The following TREX1 variants were observed in gnomAD, a reference collection of about 807,000 sequenced individuals.
TREX1 encodes the protein three prime repair exonuclease 1.
A neutral mutation model predicts 13.7 loss-of-function variants in TREX1; 11 were observed. That is an observed-to-expected ratio of 0.80 (90% CI 0.51 to 1.33). The LOEUF is 1.33. Among genes scored for constraint, TREX1 ranks in the 40% most tolerant of loss-of-function variants. The pLI is 0.00. For synonymous variants in TREX1, 178 were observed against 178.8 expected, an observed-to-expected ratio of 1.00 and a Z score of 0.03; for missense variants, 409 against 404.4, an observed-to-expected ratio of 1.01 and a Z score of -0.10.
rs144461944 is a variant in TREX1 at position 48,466,535 on chromosome 3, G to T, written c.-26-95G>T. On this transcript the variant is annotated intron_variant, in intron 1 of 1. Transcript: ENST00000625293. ...GACAGGGCAGGATTGTGCAGGGAAG[G>T]CCTGAGATGTGCTTCTGCCCACCCC... 574 of 1,613,950 alleles carry T rather than the reference G, an allele frequency of 3.6e-4. 3 individuals are homozygous for T. In the East Asian group the frequency reaches 0.01, roughly 29 times the overall value.
Position 48,466,326 on chromosome 3 carries a change from C to CA in TREX1, c.-27+19dup, listed in dbSNP as rs2040294110. 2.2e-6 allele frequency: 2 copies of CA among 893,646 alleles called. No homozygotes were observed. Among genetic ancestry groups the CA allele is most frequent in the African/African-American group, 3.3e-5 (2 of 60,804 alleles). The allele number at this position is 893,646 out of a possible 1,614,324, so 55.4% of individuals were successfully genotyped here. ...CCTGCTACGGTGAGTGTGGCCCCCA[C>CA]AATGGGATGGCGCAGGGCAGGAGGG... On this transcript the variant is annotated intron_variant, in intron 1 of 1. Coordinates refer to ENST00000625293, the MANE Select transcript of TREX1 (RefSeq NM_033629.6).
In TREX1 at chr3:48,467,437, G is replaced by T. The variant is rs1225568750; in HGVS notation, c.782G>T (p.Ser261Ile). ...CACCTGGCCACAACCAGGAACACTAGTCCCAGCCTTGGAGAGAGCAGGGGT... is the reference window on the plus strand; with the variant it reads ...CACCTGGCCACAACCAGGAACACTATTCCCAGCCTTGGAGAGAGCAGGGGT... The part of the protein sequence containing the change: ...TAHLATTRNT[S>I]PSLGESRGTK... The change falls in exon 2 of 2, where the codon AGT becomes ATT. Residue 261 changes from serine (S) to isoleucine (I), a missense_variant. Ser to Ile is a moderately radical substitution (Grantham distance 142). Coordinates refer to ENST00000625293, the MANE Select transcript of TREX1 (RefSeq NM_033629.6). 2 of 1,614,166 alleles carry T rather than the reference G, an allele frequency of 1.2e-6. No individual in the cohort carries two copies. Among genetic ancestry groups the T allele is most frequent in the South Asian group, 2.2e-5 (2 of 91,088 alleles).
In TREX1 at chr3:48,466,614, C is replaced by T; in HGVS notation, c.-26-16C>T. ...AACACTGGGCACTCACACACCCACC[C>T]CATGCTCCTCTCCAGGCTCAGCAGC... On this transcript the variant is annotated splice_polypyrimidine_tract_variant and intron_variant, in intron 1 of 1. Coordinates refer to ENST00000625293, the MANE Select transcript of TREX1 (RefSeq NM_033629.6). 6.2e-7 allele frequency: 1 copy of T among 1,614,098 alleles called. No homozygotes were observed. Among genetic ancestry groups the T allele is most frequent in the Non-Finnish European group, 8.5e-7 (1 of 1,180,020 alleles).
chr3:48,466,949 A>C lies in TREX1; in HGVS notation c.294A>C (p.Gln98His). 1 of 1,612,006 alleles carries C rather than the reference A, an allele frequency of 6.2e-7. No individual in the cohort carries two copies. Among genetic ancestry groups the C allele is most frequent in the Middle Eastern group, 1.6e-4 (1 of 6,062 alleles). The change falls in exon 2 of 2, where the codon CAA becomes CAC. Residue 98 changes from glutamine (Q) to histidine (H), a missense_variant. Coordinates refer to ENST00000625293, the MANE Select transcript of TREX1 (RefSeq NM_033629.6). Reference sequence around the variant, plus strand: ...CTGTGCTGGCAGCGCATGGGCGTCAATGTTTTGATGACAACCTGGCCAACC... The same window carrying C: ...CTGTGCTGGCAGCGCATGGGCGTCACTGTTTTGATGACAACCTGGCCAACC... ...STAVLAAHGRQCFDDNLANLL... is the reference protein window; with the variant it reads ...STAVLAAHGRHCFDDNLANLL...
Position 48,466,919 on chromosome 3 carries a change from C to G in TREX1, c.264C>G (p.Ser88Arg). Residue 88 changes from serine to arginine, a missense_variant, in exon 2 of 2, where the codon AGC (serine) becomes AGG (arginine). Physicochemically the swap from Ser to Arg is moderately radical, Grantham distance 110. Coordinates refer to ENST00000625293, the MANE Select transcript of TREX1 (RefSeq NM_033629.6). ...CAGCCAGCGAGATCACAGGTCTGAG[C>G]ACAGCTGTGCTGGCAGCGCATGGGC... ...SPAASEITGLSTAVLAAHGRQ... is the reference protein window; with the variant it reads ...SPAASEITGLRTAVLAAHGRQ... 5.6e-6 allele frequency: 9 copies of G among 1,611,644 alleles called. No individual in the cohort carries two copies. Among genetic ancestry groups the G allele is most frequent in the Non-Finnish European group, 7.6e-6 (9 of 1,180,022 alleles).
Position 48,466,264 on chromosome 3 carries a change from AGAGTGTGCAGCC to A in TREX1, c.-67_-56del. On this transcript the variant is annotated 5_prime_UTR_variant, in exon 1 of 2. Coordinates refer to ENST00000625293, the MANE Select transcript of TREX1 (RefSeq NM_033629.6). ...CACTGCTGCCAGCGAGAGCCGCGGG[AGAGTGTGCAGCC>A]GAGTCACTACTGCCTGCCTGCCTGC... 1.6e-6 allele frequency: 1 copy of A among 616,836 alleles called. No homozygotes were observed. 38.2% of individuals were successfully genotyped at this position (616,836 alleles called of 1,614,324 possible). A position where few individuals can be genotyped will look rare whatever the true frequency, so the allele number is the denominator to read the frequency against.
rs368213969 is a variant in TREX1 at position 48,466,612 on chromosome 3, C to T, written c.-26-18C>T. ...TTAACACTGGGCACTCACACACCCA[C>T]CCCATGCTCCTCTCCAGGCTCAGCA... On this transcript the variant is annotated intron_variant, in intron 1 of 1. Transcript: ENST00000625293. The T allele has an allele frequency of 5.0e-6, 8 of 1,613,964 alleles. No individual in the cohort carries two copies. The highest frequency in any genetic ancestry group is 6.8e-6 in the Non-Finnish European group (8 of 1,180,010).
rs776885477 is a variant in TREX1, at chr3:48,467,118, A to G, written c.463A>G (p.Ser155Gly). The G allele has an allele frequency of 6.2e-6, 10 of 1,613,950 alleles. No homozygotes were observed. The highest frequency in any genetic ancestry group is 2.2e-5 in the East Asian group (1 of 44,878). Residue 155 changes from serine to glycine, a missense_variant, in exon 2 of 2, where the codon AGC (serine) becomes GGC (glycine). By Grantham distance (56) the Ser-to-Gly change is moderately conservative (BLOSUM62 0). Transcript: ENST00000625293. ...SALDGAFCVD[S>G]ITALKALERA... ...TCTGGATGGTGCCTTCTGTGTGGATAGCATCACTGCGCTGAAGGCCCTGGA... is the reference window on the plus strand; with the variant it reads ...TCTGGATGGTGCCTTCTGTGTGGATGGCATCACTGCGCTGAAGGCCCTGGA...
rs1454039999 is a variant in TREX1, at chr3:48,467,068, TG to T, written c.415del (p.Ala139LeufsTer21). The T allele has an allele frequency of 6.2e-7, 1 of 1,613,862 alleles. No individual in the cohort carries two copies. Reference sequence around the variant, plus strand: ...GACTTCCCCCTGCTCCAAGCAGAGCTGGCTATGCTGGGCCTCACCAGTGCTC... The same window carrying T: ...GACTTCCCCCTGCTCCAAGCAGAGCTGCTATGCTGGGCCTCACCAGTGCTC... Reference protein sequence around the residue: ...RYDFPLLQAELAMLGLTSALD... With the variant: ...RYDFPLLQAEXAMLGLTSALD... On this transcript the variant is annotated frameshift_variant, in exon 2 of 2. Transcript: ENST00000625293. LOFTEE classifies it high-confidence loss of function.
Position 48,466,708 on chromosome 3 carries a change from A to C in TREX1, c.53A>C (p.Asp18Ala). The change falls in exon 2 of 2, where the codon GAC (aspartate) becomes GCC (alanine). Residue 18 changes from aspartate to alanine, a missense_variant. Coordinates refer to ENST00000625293, the MANE Select transcript of TREX1 (RefSeq NM_033629.6). ...PGPMQTLIFF[D>A]MEATGLPFSQ... ...CCCATGCAGACCCTCATCTTTTTCG[A>C]CATGGAGGCCACTGGCTTGCCCTTC... 6.2e-7 allele frequency: 1 copy of C among 1,613,658 alleles called. No individual in the cohort carries two copies. Among genetic ancestry groups the C allele is most frequent in the Non-Finnish European group, 8.5e-7 (1 of 1,179,908 alleles).
chr3:48,466,180 A>T, upstream of TREX1: 10 of 514,654 alleles, frequency 1.9e-5, no homozygotes, highest in South Asian at 2.0e-4. Flanking sequence ...GCTGACGAGC[A>T]GGGCGGGCCT....
Position 48,466,728 on chromosome 3 carries a change from C to A in TREX1, c.73C>A (p.Pro25Thr), listed in dbSNP as rs748145509. ...IFFDMEATGLPFSQPKVTELC... is the reference protein window; with the variant it reads ...IFFDMEATGLTFSQPKVTELC... ...TTTCGACATGGAGGCCACTGGCTTG[C>A]CCTTCTCCCAGCCCAAGGTCACGGA... The change falls in exon 2 of 2, where the codon CCC (proline) becomes ACC (threonine). Residue 25 changes from proline to threonine, a missense_variant. Pro to Thr is a conservative substitution (Grantham distance 38). Transcript: ENST00000625293. 5 of 1,613,932 alleles carry A rather than the reference C, an allele frequency of 3.1e-6. No individual in the cohort carries two copies. In the African/African-American group the frequency reaches 6.7e-5, roughly 22 times the overall value.
In TREX1 at chr3:48,466,860, C is replaced by CTG. The variant is rs74689946; in HGVS notation, c.212_213dup (p.Ala72TrpfsTer17). ...ACCGCGTGTGGTAGACAAGCTCTCC[C>CTG]TGTGTGTGGCTCCGGGGAAGGCCTG... On this transcript the variant is annotated frameshift_variant, in exon 2 of 2. Transcript: ENST00000625293. LOFTEE classifies it high-confidence loss of function. 6.2e-6 allele frequency: 10 copies of CTG among 1,613,774 alleles called. No individual in the cohort carries two copies. In the South Asian group the frequency reaches 1.1e-4, roughly 18 times the overall value.
chr3:48,466,275 C>A lies in TREX1; in HGVS notation c.-61C>A. 1 of 647,246 alleles carries A rather than the reference C, an allele frequency of 1.5e-6. No individual in the cohort carries two copies. The highest frequency in any genetic ancestry group is 2.8e-6 in the Non-Finnish European group (1 of 363,300). The allele number at this position is 647,246 out of a possible 1,614,324, so 40.1% of individuals were successfully genotyped here. On this transcript the variant is annotated 5_prime_UTR_variant, in exon 1 of 2. Transcript: ENST00000625293. ...GCGAGAGCCGCGGGAGAGTGTGCAG[C>A]CGAGTCACTACTGCCTGCCTGCCTG...
Position 48,467,567 on chromosome 3 carries a change from GTATGGACTA to G in TREX1, c.914_922del (p.Tyr305_Leu307del). 6.8e-6 allele frequency: 11 copies of G among 1,613,512 alleles called. No homozygotes were observed. Among genetic ancestry groups the G allele is most frequent in the Non-Finnish European group, 9.3e-6 (11 of 1,179,786 alleles). On this transcript the variant is annotated inframe_deletion, in exon 2 of 2. Transcript: ENST00000625293. Reference sequence around the variant, plus strand: ...TCCTGACCTTGGCAGTAGCCACACTGTATGGACTATCCCTGGCCACACCTGGGGAGTAGG... The same window carrying G: ...TCCTGACCTTGGCAGTAGCCACACTGTCCCTGGCCACACCTGGGGAGTAGG...
At chr3:48,466,360 TC>T (rs746667064) in intron 1 of TREX1, 51 bp downstream of exon 1, 341 of 1,272,676 alleles carry the variant, frequency 2.7e-4, no homozygotes, top group Non-Finnish European at 3.6e-4. Context: ...GGCCATGGGT[TC>T]CCCCACCCCA....
Position 48,466,663 on chromosome 3 carries a change from C to G in TREX1, c.8C>G (p.Ser3Trp). ...GCAGGTACGTACCCAACCATGGGCT[C>G]GCAGGCCCTGCCCCCGGGGCCCATG... is the stretch of plus-strand genomic sequence containing the variant. MG[S>W]QALPPGPMQT... is the part of the protein sequence containing the mutation. The change falls in exon 2 of 2, where the codon TCG (serine) becomes TGG (tryptophan). Residue 3 changes from serine to tryptophan, a missense_variant. Physicochemically the swap from Ser to Trp is radical, Grantham distance 177 (BLOSUM62 -3). Transcript: ENST00000625293. 1 of 1,614,040 alleles carries G rather than the reference C, an allele frequency of 6.2e-7. No homozygotes were observed. The highest frequency in any genetic ancestry group is 8.5e-7 in the Non-Finnish European group (1 of 1,179,970).
In TREX1 at chr3:48,467,246, T is replaced by C. The variant is rs1157399528; in HGVS notation, c.591T>C (p.Ala197=). 5.6e-6 allele frequency: 9 copies of C among 1,613,980 alleles called. No homozygotes were observed. The African/African-American group carries it at 1.2e-4, about 22-fold the overall frequency. The change falls in exon 2 of 2, where the codon GCT becomes GCC. Residue 197 remains alanine, a synonymous_variant. Transcript: ENST00000625293. Reference sequence around the variant, plus strand: ...AGTCCCCTCCAGACTCGCACACGGCTGAGGGTGATGTCCTGGCCCTGCTCA... The same window carrying C: ...AGTCCCCTCCAGACTCGCACACGGCCGAGGGTGATGTCCTGGCCCTGCTCA... ...YGQSPPDSHT[A]EGDVLALLSI... is the part of the protein sequence containing the mutation.
At position 48,467,151 on chromosome 3, in the gene TREX1, A is replaced by G; in HGVS notation, c.496A>G (p.Ser166Gly). 6.2e-7 allele frequency: 1 copy of G among 1,614,002 alleles called. No homozygotes were observed. The highest frequency in any genetic ancestry group is 8.5e-7 in the Non-Finnish European group (1 of 1,180,012). The change falls in exon 2 of 2, where the codon AGC (serine) becomes GGC (glycine). Residue 166 changes from serine to glycine, a missense_variant. Transcript: ENST00000625293. The stretch of plus-strand genomic sequence containing the variant: ...TGCGCTGAAGGCCCTGGAGCGAGCA[A>G]GCAGCCCCTCAGAACACGGCCCAAG... ...ITALKALERASSPSEHGPRKS... is the reference protein window; with the variant it reads ...ITALKALERAGSPSEHGPRKS...
Sources: allele counts gnomAD v4.1 joint callset, GRCh38; gene constraint gnomAD v4.1.1; transcripts MANE v1.5; gene names NCBI Gene and HGNC (gene_info 2026-07-23, HGNC 2026-07-21).